The following MID1 variants were observed in gnomAD, a reference collection of about 807,000 sequenced individuals.
MID1 encodes the protein E3 ubiquitin-protein ligase Midline-1.
Under a neutral mutation model 40.4 loss-of-function variants are expected in MID1, and 7 were observed. That is an observed-to-expected ratio of 0.17 (90% CI 0.10 to 0.33). The LOEUF (loss-of-function observed/expected upper bound fraction) is 0.33, where lower values mean the gene tolerates loss of function less well. Ranked by LOEUF, MID1 falls within the 10% of genes least tolerant of loss-of-function variation. The pLI is 1.00. For synonymous variants in MID1, 229 were observed against 221.2 expected (o/e 1.04, Z -0.31); for missense variants, 367 against 558.5 (o/e 0.66, Z 3.46).
At chrX:10,702,953 G>A (rs1332877926) in intron 1 of MID1, among the ~76,000 whole-genome samples, 5 of 111,695 alleles carry the variant, frequency 4.5e-5, no homozygotes. Flanking sequence ...AGGCTGCAGC[G>A]AGCCAGGAAG....
At chrX:10,544,940 TTTTG>T (rs746377561) in intron 2 of MID1, among the ~76,000 whole-genome samples, 6 of 112,085 alleles carry the variant, frequency 5.4e-5, no homozygotes, top group Admixed American at 9.4e-5. Flanking sequence ...GCTAAGTGTT[TTTTG>T]TTTGTTTGTT....
chrX:10,736,678 C>G (rs1319325492), intron 1 of MID1, among the ~76,000 whole-genome samples: 2 of 112,241 alleles, frequency 1.8e-5, no homozygotes, highest in African/African-American at 6.5e-5. Flanking sequence ...GCTAGGCCTA[C>G]CTTCATTTCC....
At chrX:10,689,739 G>A (rs2043121272) in intron 1 of MID1, among the ~76,000 whole-genome samples, 2 of 106,931 alleles carry the variant, frequency 1.9e-5, no homozygotes, top group African/African-American at 6.8e-5. Context: ...TCCAAATGTA[G>A]ATTTATAGTG....
At chrX:10,618,925 C>T (rs1569129761) in intron 1 of MID1, among the ~76,000 whole-genome samples, 1 of 112,144 alleles carries the variant, frequency 8.9e-6, no homozygotes, top group African/African-American at 3.2e-5. Context: ...TTACCCTTCT[C>T]CTTCCTTTTC....
chrX:10,689,209 A>C lies in MID1; in HGVS notation c.-186-68790T>G, dbSNP rs148075999. 3.5e-3 allele frequency among the ~76,000 whole-genome samples: 387 copies of C among 111,832 alleles called. 1 individual carries two copies. The highest frequency in any genetic ancestry group is 0.012 in the African/African-American group (365 of 30,796). On this transcript the variant is annotated intron_variant, in intron 1 of 10. Coordinates refer to the MID1 transcript ENST00000380785. ...ACAACCTGAGACTGGGTAATTTACA[A>C]AGAAAAGAGGTTTAATTGACTCACA...
intron 5 of MID1, among the ~76,000 whole-genome samples, chrX:10,477,871 T>G (rs1254281550): frequency 8.9e-6 from 1 of 112,670 alleles, no homozygotes; most frequent in African/African-American, 3.2e-5. Flanking sequence ...AAACGTGCAG[T>G]TATCTTAATG....
intron 2 of MID1, among the ~76,000 whole-genome samples, chrX:10,544,112 C>G (rs965358350): frequency 1.8e-5 from 2 of 112,115 alleles, no homozygotes; most frequent in African/African-American, 6.5e-5. Context: ...ATTTCAAAGC[C>G]TGTTCTCCCC....
chrX:10,660,424 C>A (rs1016974580), intron 1 of MID1, among the ~76,000 whole-genome samples: 1 of 112,327 alleles, frequency 8.9e-6, no homozygotes, highest in African/African-American at 3.2e-5. Context: ...GCCTTTCCCC[C>A]TTGACACATG....
At position 10,689,372 on chromosome X, in the gene MID1, A is replaced by G. The variant is rs760295075; in HGVS notation, c.-186-68953T>C. Among the ~76,000 whole-genome samples, 6 of 110,912 alleles carry G rather than the reference A, an allele frequency of 5.4e-5. No homozygotes were observed. In the East Asian group the frequency reaches 1.7e-3, roughly 32 times the overall value. On this transcript the variant is annotated intron_variant, in intron 1 of 10. Coordinates refer to the MID1 transcript ENST00000380785. Reference sequence around the variant, plus strand: ...GGAAGTGCCACACTTTAAAATCATCAGATCTCATAAAAACTCACTTACTAT... The same window carrying G: ...GGAAGTGCCACACTTTAAAATCATCGGATCTCATAAAAACTCACTTACTAT...
chrX:10,820,401 A>C (rs1037011948), intron 1 of MID1, among the ~76,000 whole-genome samples: 2 of 112,094 alleles, frequency 1.8e-5, no homozygotes, highest in African/African-American at 3.2e-5. Context: ...GTCCCGAAAG[A>C]CAACACATTT....
intron 1 of MID1, among the ~76,000 whole-genome samples, chrX:10,723,578 GTC>G (rs924048703): frequency 5.3e-5 from 6 of 113,248 alleles, no homozygotes; most frequent in African/African-American, 1.9e-4. Flanking sequence ...TTGAGACGGA[GTC>G]TCGCTCTGCC....
chrX:10,770,974 C>T (rs1418800378), intron 1 of MID1, among the ~76,000 whole-genome samples: 3 of 108,799 alleles, frequency 2.8e-5, no homozygotes, highest in Non-Finnish European at 5.7e-5. Context: ...GGCGTGGTGG[C>T]GGGCGCCTGT....
chrX:10,778,652 A>G (rs999789977), intron 1 of MID1, among the ~76,000 whole-genome samples: 6 of 112,368 alleles, frequency 5.3e-5, no homozygotes, highest in African/African-American at 1.3e-4. Flanking sequence ...AAGAGATATG[A>G]TGACAGAAGC....
chrX:10,591,109 CA>C (rs1419031741), intron 1 of MID1, among the ~76,000 whole-genome samples: 2 of 111,048 alleles, frequency 1.8e-5, no homozygotes, highest in Non-Finnish European at 3.8e-5. Flanking sequence ...AATTCACTTA[CA>C]AAAAAATCTA....
chrX:10,776,853 G>A (rs1569167503), intron 1 of MID1, among the ~76,000 whole-genome samples: 1 of 112,174 alleles, frequency 8.9e-6, no homozygotes, highest in South Asian at 3.7e-4. Context: ...TTTCCAGGTG[G>A]AGAATGTGGC....
At chrX:10,666,200 A>C (rs767547180) in intron 1 of MID1, among the ~76,000 whole-genome samples, 1 of 109,976 alleles carries the variant, frequency 9.1e-6, no homozygotes, top group East Asian at 2.9e-4. Context: ...AAGCAGAGAG[A>C]AGAATCTTGA....
chrX:10,575,473 G>C (rs1273257106), intron 1 of MID1, among the ~76,000 whole-genome samples: 3 of 111,943 alleles, frequency 2.7e-5, no homozygotes, highest in Non-Finnish European at 5.6e-5. Flanking sequence ...AATAAAAACT[G>C]GCTGCTACAT....
chrX:10,811,018 G>A (rs938818853), intron 1 of MID1, among the ~76,000 whole-genome samples: 1 of 110,637 alleles, frequency 9.0e-6, no homozygotes, highest in African/African-American at 3.3e-5. Context: ...ATCCTTCTGG[G>A]GATGATCTCC....
At chrX:10,798,496 C>A (rs1046136758) in intron 1 of MID1, among the ~76,000 whole-genome samples, 28 of 111,898 alleles carry the variant, frequency 2.5e-4, no homozygotes, top group African/African-American at 7.5e-4. Context: ...TTTGTGACAG[C>A]AATTTAGCAC....
Sources: gnomAD v4.1 joint callset for allele counts (sites outside exome capture counted in the v4.1 genomes callset) on GRCh38, gnomAD v4.1.1 for gene constraint, MANE v1.5 for transcripts, NCBI Gene and HGNC (gene_info 2026-07-23, HGNC 2026-07-21) for gene names.